The following ECH1 variants were observed in gnomAD, a reference collection of about 807,000 sequenced individuals.
The protein encoded by ECH1 is delta(3,5)-Delta(2,4)-dienoyl-CoA isomerase, mitochondrial.
Under a neutral mutation model 37.0 loss-of-function variants are expected in ECH1, and 30 were observed. The ratio of observed to expected loss-of-function variants is 0.81; its 90% confidence interval spans 0.61 to 1.10. ECH1 has a LOEUF of 1.10. ECH1 is among the 50% of genes least tolerant of loss of function. The probability of loss-of-function intolerance (pLI) is 0.00; values close to 1 mark genes in which losing one functional copy is unlikely to be tolerated. For missense variants in ECH1, 456 were observed against 441.6 expected, an observed-to-expected ratio of 1.03 and a Z score of -0.29; for synonymous variants, 178 against 176.0, an observed-to-expected ratio of 1.01 and a Z score of -0.09.
chr19:38,816,279 C>T lies in ECH1; in HGVS notation c.731+5G>A. On this transcript the variant is annotated splice_donor_5th_base_variant and intron_variant, in intron 8 of 9. Transcript: ENST00000221418. Reference sequence around the variant, plus strand: ...AGCACTGAGCTACCACGGCCATGGCCCTACCTGACCAGCCCACTGCCCAGG... The same window carrying T: ...AGCACTGAGCTACCACGGCCATGGCTCTACCTGACCAGCCCACTGCCCAGG... 1.9e-6 allele frequency: 3 copies of T among 1,612,764 alleles called. No homozygotes were observed. The highest frequency in any genetic ancestry group is 2.5e-6 in the Non-Finnish European group (3 of 1,179,972).
rs2145368001 is a variant in ECH1 at position 38,815,732 on chromosome 19, G to A, written c.883-15C>T. On this transcript the variant is annotated splice_polypyrimidine_tract_variant and intron_variant, in intron 9 of 9. Coordinates refer to ENST00000221418, the MANE Select transcript of ECH1 (RefSeq NM_001398.3). ...TTCCAGGACGCCTGGTACCGAGGGT[G>A]TTGAGAGAGAACGAGGAGAGAGATT... 1 of 1,614,118 alleles carries A rather than the reference G, an allele frequency of 6.2e-7. No individual in the cohort carries two copies. Among genetic ancestry groups the A allele is most frequent in the East Asian group, 2.2e-5 (1 of 44,884 alleles).
At chr19:38,829,465 T>C (rs1265891637) in intron 3 of ECH1, among the ~76,000 whole-genome samples, 1 of 139,066 alleles carries the variant, frequency 7.2e-6, no homozygotes, top group Non-Finnish European at 1.6e-5. Context: ...TGTCTCAAAA[T>C]AAATGAATAA....
chr19:38,817,787 C>G (rs1971602220), intron 3 of ECH1: 1 of 979,100 alleles, frequency 1.0e-6, no homozygotes, highest in South Asian at 4.7e-5. Context: ...TCACAGAATC[C>G]TCACAGCAAC....
Position 38,816,274 on chromosome 19 carries a change from A to G in ECH1, c.731+10T>C, listed in dbSNP as rs1971573780. 4 of 1,612,566 alleles carry G rather than the reference A, an allele frequency of 2.5e-6. No homozygotes were observed. Among genetic ancestry groups the G allele is most frequent in the South Asian group, 1.1e-5 (1 of 91,004 alleles). ...CCCCCAGCACTGAGCTACCACGGCC[A>G]TGGCCCTACCTGACCAGCCCACTGC... On this transcript the variant is annotated intron_variant, in intron 8 of 9. Coordinates refer to ENST00000221418, the MANE Select transcript of ECH1 (RefSeq NM_001398.3).
rs749384760 is a variant in ECH1, at chr19:38,816,476, C to G, written c.636G>C (p.Leu212=). 1 of 1,614,180 alleles carries G rather than the reference C, an allele frequency of 6.2e-7. No homozygotes were observed. Among genetic ancestry groups the G allele is most frequent in the African/African-American group, 1.3e-5 (1 of 75,062 alleles). ...LAADVGTLQR[L]PKVIGNQSLV... Reference sequence around the variant, plus strand: ...ACCTCTGGTTCCCGATGACCTTGGGCAGGCGCTGCAGTGTTCCTACATCGG... The same window carrying G: ...ACCTCTGGTTCCCGATGACCTTGGGGAGGCGCTGCAGTGTTCCTACATCGG... The change falls in exon 7 of 10, where the codon CTG becomes CTC. Residue 212 remains leucine, a synonymous_variant. Transcript: ENST00000221418.
intron 2 of ECH1, 27 bp downstream of exon 2, chr19:38,831,282 C>T (rs1261973047): frequency 6.2e-7 from 1 of 1,606,712 alleles, no homozygotes; most frequent in South Asian, 1.1e-5. Context: ...CCCCCGCAGG[C>T]AGGCCTCCAG....
At chr19:38,819,724 T>C (rs1039502793) in intron 3 of ECH1, among the ~76,000 whole-genome samples, 1 of 152,060 alleles carries the variant, frequency 6.6e-6, no homozygotes, top group Non-Finnish European at 1.5e-5. Context: ...GGCAGGAGGA[T>C]GGCTTGAGGC....
chr19:38,831,141 T>C lies in ECH1; in HGVS notation c.286A>G (p.Ile96Val), dbSNP rs778028331. The change falls in exon 3 of 10, where the codon ATT becomes GTT. Residue 96 changes from isoleucine (I) to valine (V), a missense_variant. Ile to Val is a conservative substitution (Grantham distance 29, BLOSUM62 3). Coordinates refer to ENST00000221418, the MANE Select transcript of ECH1 (RefSeq NM_001398.3). ...WREMVECFNK[I>V]SRDADCRAVV... is the part of the protein sequence containing the mutation. ...GCCCGACAGTCAGCGTCTCTCGAAA[T>C]CTTGTTGAAGCACTCTACCATCTCT... 2 of 1,614,090 alleles carry C rather than the reference T, an allele frequency of 1.2e-6. No individual in the cohort carries two copies. The highest frequency in any genetic ancestry group is 1.1e-5 in the South Asian group (1 of 91,080).
chr19:38,818,493 ATTTTT>A lies in ECH1; in HGVS notation c.350-923_350-919del. ...GTCAGATCCTCTTTTTTTTTATTTT[ATTTTT>A]TTTATTTCAGACAGAGTCTCGCTCT... On this transcript the variant is annotated intron_variant, in intron 3 of 9. Transcript: ENST00000221418. 3 of 639,458 alleles carry A rather than the reference ATTTTT, an allele frequency of 4.7e-6. No individual in the cohort carries two copies. In the South Asian group the frequency reaches 2.1e-4, roughly 45 times the overall value. The allele number at this position is 639,458 out of a possible 1,614,324, so 39.6% of individuals were successfully genotyped here.
At chr19:38,820,419 G>A (rs1435429766) in intron 3 of ECH1, 3 of 152,126 alleles carry the variant, frequency 2.0e-5, no homozygotes, top group African/African-American at 7.2e-5. Flanking sequence ...TAGCAGCTAA[G>A]AGCAAGGACT....
In ECH1 at chr19:38,831,143, T is replaced by C. The variant is rs747093611; in HGVS notation, c.284A>G (p.Lys95Arg). ...CCGACAGTCAGCGTCTCTCGAAATCTTGTTGAAGCACTCTACCATCTCTCT... is the reference window on the plus strand; with the variant it reads ...CCGACAGTCAGCGTCTCTCGAAATCCTGTTGAAGCACTCTACCATCTCTCT... ...FWREMVECFN[K>R]ISRDADCRAV... The change falls in exon 3 of 10, where the codon AAG (lysine) becomes AGG (arginine). Residue 95 changes from lysine (K) to arginine (R), a missense_variant. By Grantham distance (26) the Lys-to-Arg change is conservative (BLOSUM62 2). Transcript: ENST00000221418. The C allele has an allele frequency of 8.1e-6, 13 of 1,614,094 alleles. No individual in the cohort carries two copies. The highest frequency in any genetic ancestry group is 7.7e-5 in the South Asian group (7 of 91,086).
intron 6 of ECH1, 189 bp downstream of exon 6, chr19:38,816,876 A>G: frequency 1.4e-6 from 1 of 694,842 alleles, no homozygotes; most frequent in Non-Finnish European, 2.4e-6. Context: ...TGCCTCTGAC[A>G]CCTGCCAGCC....
chr19:38,817,239 G>A, intron 5 of ECH1, 77 bp downstream of exon 5: 2 of 1,536,532 alleles, frequency 1.3e-6, no homozygotes, highest in South Asian at 1.2e-5. Flanking sequence ...AGCTGAGGCT[G>A]GATGCCAGTG....
chr19:38,816,101 C>A, intron 8 of ECH1, 94 bp from the exon 9 acceptor site: 1 of 1,551,706 alleles, frequency 6.4e-7, no homozygotes, highest in South Asian at 1.2e-5. Context: ...CAGAGGAAGG[C>A]CCAAGACCCC....
intron 3 of ECH1, among the ~76,000 whole-genome samples, chr19:38,826,702 C>G (rs1352168927): frequency 6.6e-6 from 1 of 152,168 alleles, no homozygotes; most frequent in Non-Finnish European, 1.5e-5. Context: ...CTTTGAGGAT[C>G]CCACAGACCA....
intron 3 of ECH1, among the ~76,000 whole-genome samples, chr19:38,824,077 T>C (rs1030605252): frequency 2.6e-5 from 4 of 152,178 alleles, no homozygotes; most frequent in African/African-American, 9.7e-5. Context: ...ATTGTAGCTT[T>C]CCTATTCATA....
chr19:38,822,808 G>T (rs915812894), intron 3 of ECH1, among the ~76,000 whole-genome samples: 1 of 152,204 alleles, frequency 6.6e-6, no homozygotes, highest in Non-Finnish European at 1.5e-5. Flanking sequence ...GGACAGATAA[G>T]GGAATAAAAG....
intron 3 of ECH1, 147 bp downstream of exon 3, chr19:38,830,931 G>T: frequency 1.5e-6 from 1 of 682,414 alleles, no homozygotes; most frequent in Non-Finnish European, 2.4e-6. Flanking sequence ...ACTCCAGCGT[G>T]GCAACAGAGC....
At chr19:38,829,775 C>T (rs1971791916) in intron 3 of ECH1, among the ~76,000 whole-genome samples, 1 of 150,928 alleles carries the variant, frequency 6.6e-6, no homozygotes, top group Non-Finnish European at 1.5e-5. Context: ...GAGATCGCAC[C>T]ACTGCACTCC....
Sources: gnomAD v4.1 joint callset for allele counts (sites outside exome capture counted in the v4.1 genomes callset) on GRCh38, gnomAD v4.1.1 for gene constraint, MANE v1.5 for transcripts, NCBI Gene and HGNC (gene_info 2026-07-23, HGNC 2026-07-21) for gene names.